ZPBP: variants seen among roughly 807,000 people sequenced by gnomAD.
ZPBP encodes the protein zona pellucida binding protein, also known as zona pellucida-binding protein 1.
In ZPBP, 26 loss-of-function variants were observed where a neutral mutation model predicts 44.8. That is an observed-to-expected ratio of 0.58 (90% confidence interval 0.43 to 0.81). The LOEUF (loss-of-function observed/expected upper bound fraction) is 0.81, where lower values mean the gene tolerates loss of function less well. ZPBP is among the 30% of genes least tolerant of loss of function. ZPBP has a pLI of 0.00. For missense variants in ZPBP, 409 were observed against 434.0 expected (o/e 0.94, Z 0.51); for synonymous variants, 174 against 153.2 (o/e 1.14, Z -1.00).
chr7:49,948,884 TGAAA>T (rs2128757255), intron 7 of ZPBP, among the ~76,000 whole-genome samples: 1 of 152,200 alleles, frequency 6.6e-6, no homozygotes, highest in African/African-American at 2.4e-5. Flanking sequence ...TCAAAAGAAT[TGAAA>T]GAAGTGTCTC....
chr7:50,052,686 C>T (rs1800753022), intron 4 of ZPBP, among the ~76,000 whole-genome samples: 2 of 152,042 alleles, frequency 1.3e-5, no homozygotes, highest in South Asian at 2.1e-4. Flanking sequence ...CAGCCAAAAA[C>T]GCAAAGCAAC....
chr7:49,933,326 C>A (rs1794511004), downstream of ZPBP, among the ~76,000 whole-genome samples: 1 of 152,122 alleles, frequency 6.6e-6, no homozygotes, highest in African/African-American at 2.4e-5. Context: ...TACAAATTTC[C>A]TGTAATTAAT....
At chr7:49,926,993 G>A (rs566303801) in intron 1 of ZPBP, among the ~76,000 whole-genome samples, 2 of 152,334 alleles carry the variant, frequency 1.3e-5, no homozygotes, top group African/African-American at 4.8e-5. Context: ...TGGAATCAGA[G>A]TGCAGCAATG....
chr7:50,013,534 A>G (rs1798680483), intron 6 of ZPBP, among the ~76,000 whole-genome samples: 1 of 152,056 alleles, frequency 6.6e-6, no homozygotes, highest in Non-Finnish European at 1.5e-5. Context: ...GTCTATTTTG[A>G]AAAACATAAG....
At chr7:50,070,434 G>A (rs756743580) in intron 3 of ZPBP, among the ~76,000 whole-genome samples, 21 of 152,318 alleles carry the variant, frequency 1.4e-4, no homozygotes, top group South Asian at 4.1e-4. Flanking sequence ...GCCAGGCAGG[G>A]TGCCGGGACG....
chr7:49,947,428 A>G (rs1241245186), intron 7 of ZPBP, among the ~76,000 whole-genome samples: 1 of 152,212 alleles, frequency 6.6e-6, no homozygotes, highest in African/African-American at 2.4e-5. Context: ...GGGGCTCTCC[A>G]AGCCTAGTAA....
intron 3 of ZPBP, among the ~76,000 whole-genome samples, chr7:50,061,809 G>A (rs183689061): frequency 3.3e-5 from 5 of 152,228 alleles, no homozygotes; most frequent in African/African-American, 9.6e-5. Flanking sequence ...CATGAGAATC[G>A]CTCGAACCTG....
At chr7:49,961,209 C>T (rs1318459989) in intron 7 of ZPBP, among the ~76,000 whole-genome samples, 1 of 152,006 alleles carries the variant, frequency 6.6e-6, no homozygotes, top group African/African-American at 2.4e-5. Flanking sequence ...GGAAATAACC[C>T]AAATGTCCAT....
intron 4 of ZPBP, among the ~76,000 whole-genome samples, chr7:50,051,214 A>C (rs1473627984): frequency 6.6e-6 from 1 of 152,230 alleles, no homozygotes; most frequent in East Asian, 1.9e-4. Flanking sequence ...AGAGAAATGC[A>C]AATCAAAACC....
At chr7:50,057,047 T>G (rs1800976726) in intron 4 of ZPBP, among the ~76,000 whole-genome samples, 1 of 151,822 alleles carries the variant, frequency 6.6e-6, no homozygotes, top group Non-Finnish European at 1.5e-5. Context: ...TAGCCAGGCG[T>G]GGTGGCACGT....
chr7:49,880,534 T>C (rs946686532), intron 2 of ZPBP, among the ~76,000 whole-genome samples: 1 of 151,722 alleles, frequency 6.6e-6, no homozygotes, highest in African/African-American at 2.4e-5. Context: ...TTTATATTTT[T>C]CATCAATTTT....
At chr7:49,933,263 C>T (rs1794507137), downstream of ZPBP, among the ~76,000 whole-genome samples, 1 of 142,470 alleles carries the variant, frequency 7.0e-6, no homozygotes, top group Non-Finnish European at 1.5e-5. Flanking sequence ...CTGCTGACAT[C>T]TAGGTTATGA....
chr7:50,001,342 G>A (rs1332345638), intron 6 of ZPBP, among the ~76,000 whole-genome samples: 1 of 152,112 alleles, frequency 6.6e-6, no homozygotes, highest in African/African-American at 2.4e-5. Flanking sequence ...TTTTCTCCTG[G>A]AGGCTTTTTA....
rs2128815782 is a variant in ZPBP at position 50,038,073 on chromosome 7, G to A, written c.488-6763C>T. On this transcript the variant is annotated intron_variant, in intron 4 of 7. Transcript: ENST00000046087. ...TCCATCACCCTTACCCCAATTCATG[G>A]TGTAAGGGTTCCACATCAGGACTAT... 1.3e-5 allele frequency among the ~76,000 whole-genome samples: 2 copies of A among 152,176 alleles called. 1 individual carries two copies. The highest frequency in any genetic ancestry group is 4.2e-4 in the South Asian group (2 of 4,806).
chr7:50,010,951 C>T (rs974596434), intron 6 of ZPBP, among the ~76,000 whole-genome samples: 1 of 145,516 alleles, frequency 6.9e-6, no homozygotes, highest in African/African-American at 2.5e-5. Flanking sequence ...CATCACATTA[C>T]CCGACTTCAA....
intron 3 of ZPBP, among the ~76,000 whole-genome samples, chr7:50,073,680 T>C (rs1584176138): frequency 1.3e-5 from 2 of 152,130 alleles, no homozygotes; most frequent in South Asian, 4.2e-4. Context: ...TAACATACAA[T>C]GGAGTTCCAA....
intron 6 of ZPBP, among the ~76,000 whole-genome samples, chr7:50,010,372 G>A (rs1182713872): frequency 6.6e-6 from 1 of 151,848 alleles, no homozygotes; most frequent in Non-Finnish European, 1.5e-5. Flanking sequence ...ATGGAGAAAA[G>A]ATGGCATTTG....
chr7:49,908,320 T>C (rs1793216905), intron 1 of ZPBP, among the ~76,000 whole-genome samples: 1 of 152,302 alleles, frequency 6.6e-6, no homozygotes, highest in South Asian at 2.1e-4. Flanking sequence ...AACTTTGGAA[T>C]GCCCTTGTCC....
In ZPBP at chr7:50,089,655, T is replaced by G; in HGVS notation, c.182A>C (p.Lys61Thr). The G allele has an allele frequency of 6.2e-7, 1 of 1,611,200 alleles. No homozygotes were observed. ...RAFRLTKDSV[K>T]IVGSTSFPVK... ...TGGAAAACTTGTTGATCCCACTATT[T>G]TCACTGAATCTTTGGTCAAGCGAAA... is the stretch of plus-strand genomic sequence containing the variant. Residue 61 changes from lysine to threonine, a missense_variant, in exon 2 of 8, where the codon AAA (lysine) becomes ACA (threonine). This residue lies in a region of ZPBP where 367 missense variants were observed against 363.1 expected (regional missense o/e 1.01). Transcript: ENST00000046087.
Sources: gnomAD v4.1 joint callset for allele counts (sites outside exome capture counted in the v4.1 genomes callset) on GRCh38, gnomAD v4.1.1 for gene constraint, gnomAD v4.1.1 regional missense constraint, MANE v1.5 for transcripts, NCBI Gene and HGNC (gene_info 2026-07-23, HGNC 2026-07-21) for gene names.